Variants in SCN4B observed in about 807,000 individuals in gnomAD.
SCN4B encodes sodium channel regulatory subunit beta-4.
A neutral mutation model predicts 19.6 loss-of-function variants in SCN4B; 20 were observed. The ratio of observed to expected loss-of-function variants is 1.02; its 90% CI spans 0.72 to 1.48. SCN4B has a LOEUF of 1.48. Ranked by LOEUF, SCN4B falls within the 40% of genes most tolerant of loss-of-function variation. The pLI, the probability that SCN4B is intolerant of heterozygous loss-of-function variation, is 0.00. For synonymous variants in SCN4B, 127 were observed against 122.8 expected, an observed-to-expected ratio of 1.03 and a Z score of -0.22; for missense variants, 271 against 287.5, an observed-to-expected ratio of 0.94 and a Z score of 0.42.
At chr11:118,149,506 C>T (rs900238664) in intron 1 of SCN4B, among the ~76,000 whole-genome samples, 2 of 152,132 alleles carry the variant, frequency 1.3e-5, no homozygotes, top group African/African-American at 2.4e-5. Flanking sequence ...CAGGGATGGG[C>T]CAGGTAAGGC....
chr11:118,150,819 G>A (rs1056089806), intron 1 of SCN4B, among the ~76,000 whole-genome samples: 12 of 152,158 alleles, frequency 7.9e-5, no homozygotes, highest in Admixed American at 3.3e-4. Context: ...CAATGCCCCT[G>A]TGAGGGCTCA....
intron 1 of SCN4B, among the ~76,000 whole-genome samples, chr11:118,151,553 C>CT (rs1356488947): frequency 6.6e-6 from 1 of 152,202 alleles, no homozygotes; most frequent in East Asian, 1.9e-4. Flanking sequence ...ACTCTCTCCC[C>CT]TCTTCACCAC....
chr11:118,143,747 C>T, intron 3 of SCN4B, 86 bp downstream of exon 3: 1 of 896,468 alleles, frequency 1.1e-6, no homozygotes, highest in East Asian at 2.6e-5. Context: ...CAACACGGTC[C>T]ATTTTGCCAT....
chr11:118,136,476 A>G lies in SCN4B; in HGVS notation c.*551T>C, dbSNP rs1216919567. 2.2e-6 allele frequency: 1 copy of G among 453,826 alleles called. No homozygotes were observed. Among genetic ancestry groups the G allele is most frequent in the African/African-American group, 2.0e-5 (1 of 50,026 alleles). 28.1% of individuals were successfully genotyped at this position (453,826 alleles called of 1,614,324 possible). On this transcript the variant is annotated 3_prime_UTR_variant, in exon 5 of 5. Coordinates refer to ENST00000324727, the MANE Select transcript of SCN4B (RefSeq NM_174934.4). The stretch of plus-strand genomic sequence containing the variant: ...GGGGAAAGGAAGTTTCCTACTTGGA[A>G]GACTGTGGGGGATCTGGTATCCTAT...
Position 118,136,948 on chromosome 11 carries a change from G to A in SCN4B, c.*79C>T, listed in dbSNP as rs779911332. 7 of 963,294 alleles carry A rather than the reference G, an allele frequency of 7.3e-6. No homozygotes were observed. In the African/African-American group the frequency reaches 1.1e-4, roughly 16 times the overall value. The allele number at this position is 963,294 out of a possible 1,614,324, so 59.7% of individuals were successfully genotyped here. ...AAGCAGCAGATGTCTCAGGCACGTGGGTTCTACGGTCGGGGCTCAAGCATC... is the reference window on the plus strand; with the variant it reads ...AAGCAGCAGATGTCTCAGGCACGTGAGTTCTACGGTCGGGGCTCAAGCATC... On this transcript the variant is annotated 3_prime_UTR_variant, in exon 5 of 5. Coordinates refer to ENST00000324727, the MANE Select transcript of SCN4B (RefSeq NM_174934.4).
rs1947995436 is a variant in SCN4B, at chr11:118,136,044, G to GGA, written c.*982_*983insTC. 2.3e-6 allele frequency: 1 copy of GGA among 435,988 alleles called. No homozygotes were observed. The highest frequency in any genetic ancestry group is 2.0e-5 in the African/African-American group (1 of 49,148). 27.0% of individuals were successfully genotyped at this position (435,988 alleles called of 1,614,324 possible). On this transcript the variant is annotated 3_prime_UTR_variant, in exon 5 of 5. Transcript: ENST00000324727. Reference sequence around the variant, plus strand: ...GCGTGATGGAGGGCACGGTGGGGGGGGGGGAGCGAGCCAATGGGAGGTTGG... The same window carrying GGA: ...GCGTGATGGAGGGCACGGTGGGGGGGGAGGGGAGCGAGCCAATGGGAGGTTGG...
At chr11:118,140,778 A>G (rs1227386780) in intron 4 of SCN4B, among the ~76,000 whole-genome samples, 2 of 152,200 alleles carry the variant, frequency 1.3e-5, no homozygotes, top group Admixed American at 6.5e-5. Context: ...TTCCTAACAG[A>G]AGAATTTTGT....
chr11:118,152,315 G>T (rs1282734511), intron 1 of SCN4B, among the ~76,000 whole-genome samples: 1 of 152,180 alleles, frequency 6.6e-6, no homozygotes, highest in African/African-American at 2.4e-5. Context: ...CTGAACTCTG[G>T]AGACCCGCGC....
At chr11:118,151,206 T>C (rs1948230565) in intron 1 of SCN4B, among the ~76,000 whole-genome samples, 1 of 152,006 alleles carries the variant, frequency 6.6e-6, no homozygotes, top group Non-Finnish European at 1.5e-5. Flanking sequence ...ATGAGTATTC[T>C]AACAAACAAG....
chr11:118,144,370 C>T (rs921396957), intron 2 of SCN4B, among the ~76,000 whole-genome samples: 1 of 152,154 alleles, frequency 6.6e-6, no homozygotes, highest in Admixed American at 6.5e-5. Context: ...CTGCAAGCAC[C>T]GCACTCATCT....
intron 1 of SCN4B, among the ~76,000 whole-genome samples, chr11:118,152,196 A>C (rs1948239922): frequency 6.6e-6 from 1 of 151,990 alleles, no homozygotes; most frequent in Admixed American, 6.6e-5. Flanking sequence ...AAACAAGCAA[A>C]CGGCTCTGGG....
Position 118,145,204 on chromosome 11 carries a change from C to T in SCN4B, c.87G>A (p.Leu29=). The T allele has an allele frequency of 6.2e-7, 1 of 1,614,094 alleles. No individual in the cohort carries two copies. Among genetic ancestry groups the T allele is most frequent in the Non-Finnish European group, 8.5e-7 (1 of 1,179,996 alleles). ...CCTTTCCCACAGACACCTCCAGCGACAGGGTTACGGGGAGCAGGAAGAGGC... is the reference window on the plus strand; with the variant it reads ...CCTTTCCCACAGACACCTCCAGCGATAGGGTTACGGGGAGCAGGAAGAGGC... ...LLGLFLLPVT[L]SLEVSVGKAT... is the part of the protein sequence containing the mutation. Residue 29 remains leucine (L), a synonymous_variant, in exon 2 of 5, where the codon CTG becomes CTA. Coordinates refer to ENST00000324727, the MANE Select transcript of SCN4B (RefSeq NM_174934.4).
At chr11:118,140,399 C>A (rs1362321786) in intron 4 of SCN4B, among the ~76,000 whole-genome samples, 2 of 152,218 alleles carry the variant, frequency 1.3e-5, no homozygotes, top group Non-Finnish European at 2.9e-5. Context: ...CTCTTCTCAG[C>A]AGAGCAGAAT....
At position 118,143,886 on chromosome 11, in the gene SCN4B, T is replaced by C; in HGVS notation, c.410A>G (p.Lys137Arg). ...GGCGTGGTGCTGGAGATTATTCTCCTTGGGGTTCTTCACATGGCAGGTGTA... is the reference window on the plus strand; with the variant it reads ...GGCGTGGTGCTGGAGATTATTCTCCCTGGGGTTCTTCACATGGCAGGTGTA... ...GKYTCHVKNP[K>R]ENNLQHHATI... The change falls in exon 3 of 5, where the codon AAG (lysine) becomes AGG (arginine). Residue 137 changes from lysine to arginine, a missense_variant. By Grantham distance (26) the Lys-to-Arg change is conservative (BLOSUM62 2). Coordinates refer to ENST00000324727, the MANE Select transcript of SCN4B (RefSeq NM_174934.4). 1 of 1,613,636 alleles carries C rather than the reference T, an allele frequency of 6.2e-7. No homozygotes were observed. Among genetic ancestry groups the C allele is most frequent in the South Asian group, 1.1e-5 (1 of 91,038 alleles).
At chr11:118,145,013 G>C in intron 2 of SCN4B, 44 bp downstream of exon 2, 1 of 1,594,738 alleles carries the variant, frequency 6.3e-7, no homozygotes, top group Non-Finnish European at 8.6e-7. Flanking sequence ...GCGAGGCATG[G>C]GTGAGGGAGG....
intron 3 of SCN4B, among the ~76,000 whole-genome samples, chr11:118,142,389 T>C (rs560616563): frequency 6.6e-6 from 1 of 152,238 alleles, no homozygotes; most frequent in Non-Finnish European, 1.5e-5. Context: ...ATGGCTCCTC[T>C]CTCACCTCCT....
chr11:118,152,538 A>T, intron 1 of SCN4B, 75 bp downstream of exon 1: 1 of 1,296,890 alleles, frequency 7.7e-7, no homozygotes. Flanking sequence ...CATCCAAGGC[A>T]TCTTCCTTCT....
chr11:118,148,922 A>G lies in SCN4B; in HGVS notation c.61+3691T>C, dbSNP rs890151488. 2.0e-5 allele frequency among the ~76,000 whole-genome samples: 3 copies of G among 152,014 alleles called. No individual in the cohort carries two copies. The highest frequency in any genetic ancestry group is 1.5e-5 in the Non-Finnish European group (1 of 68,006). ...TGAGAGTGGGGGGCCTCTTTCCGGC[A>G]TTGTGGAATTGAGGAACAACTCTTC... On this transcript the variant is annotated intron_variant, in intron 1 of 4. Coordinates refer to ENST00000324727, the MANE Select transcript of SCN4B (RefSeq NM_174934.4). This position sits in a 1 kb window ranked among gnomAD's most constrained non-coding sequence, Gnocchi z 4.0.
chr11:118,150,391 A>G (rs1948223492), intron 1 of SCN4B, among the ~76,000 whole-genome samples: 1 of 152,130 alleles, frequency 6.6e-6, no homozygotes, highest in Admixed American at 6.5e-5. Context: ...CTGGGAGTTC[A>G]CTGCTCTGTA....
Sources: allele counts gnomAD v4.1 joint callset (sites outside exome capture counted in the v4.1 genomes callset), GRCh38; gene constraint gnomAD v4.1.1; non-coding constraint Gnocchi (gnomAD v3.1); transcripts MANE v1.5; gene names NCBI Gene and HGNC (gene_info 2026-07-23, HGNC 2026-07-21).